ZMIZ1: variants seen among roughly 807,000 people sequenced by gnomAD.
ZMIZ1 encodes the protein zinc finger MIZ domain-containing protein 1.
Under a neutral mutation model 113.9 loss-of-function variants are expected in ZMIZ1, and 17 were observed. The ratio of observed to expected loss-of-function variants is 0.15; its 90% CI spans 0.10 to 0.22. The LOEUF (loss-of-function observed/expected upper bound fraction) is 0.22, where lower values mean the gene tolerates loss of function less well. ZMIZ1 is among the 10% of genes least tolerant of loss of function. The pLI is 1.00. For missense variants in ZMIZ1, 1,059 were observed against 1,477.8 expected (o/e 0.72, Z 4.65); for synonymous variants, 607 against 603.1 (o/e 1.01, Z -0.09).
At chr10:79,177,565 A>G (rs964428578) in intron 4 of ZMIZ1, among the ~76,000 whole-genome samples, 1 of 152,174 alleles carries the variant, frequency 6.6e-6, no homozygotes, top group African/African-American at 2.4e-5. Context: ...CACACCACCA[A>G]GGGAAGGCAG....
Position 79,311,132 on chromosome 10 carries a change from A to G in ZMIZ1, c.3044A>G (p.Glu1015Gly). The part of the protein sequence containing the change: ...DLTFNPSSAL[E>G]GQAGAQGASD... ...ACCTTTAACCCCTCCTCAGCCTTAGAGGGTCAGGCCGGAGCGCAGGGAGCG... is the reference window on the plus strand; with the variant it reads ...ACCTTTAACCCCTCCTCAGCCTTAGGGGGTCAGGCCGGAGCGCAGGGAGCG... Residue 1015 changes from glutamate to glycine, a missense_variant, in exon 24 of 25, where the codon GAG becomes GGG. Glu to Gly is a moderately conservative substitution (Grantham distance 98). Transcript: ENST00000334512. The G allele has an allele frequency of 6.2e-7, 1 of 1,613,718 alleles. No homozygotes were observed. Among genetic ancestry groups the G allele is most frequent in the Non-Finnish European group, 8.5e-7 (1 of 1,180,014 alleles).
At chr10:79,258,868 G>A (rs1397121672) in intron 7 of ZMIZ1, among the ~76,000 whole-genome samples, 2 of 152,196 alleles carry the variant, frequency 1.3e-5, no homozygotes, top group African/African-American at 2.4e-5. Flanking sequence ...GACTGAACAT[G>A]GTCTGCTGAA....
chr10:79,104,950 GGTGTGTGTGTGTGTGTGTGTGTGT>G (rs58453718), intron 1 of ZMIZ1, among the ~76,000 whole-genome samples: 7 of 140,188 alleles, frequency 5.0e-5, no homozygotes, highest in African/African-American at 1.3e-4. Context: ...GTTGTTGTGG[GGTGTGTGTGTGTGTGTGTGTGTGT>G]GTGTGTGTGT....
At chr10:79,115,901 GCC>G (rs1312076083) in intron 1 of ZMIZ1, among the ~76,000 whole-genome samples, 1 of 152,246 alleles carries the variant, frequency 6.6e-6, no homozygotes, top group African/African-American at 2.4e-5. Context: ...TGGAGCCGAT[GCC>G]CACTCTGTCT....
At chr10:79,126,634 G>C (rs1315401153) in intron 2 of ZMIZ1, among the ~76,000 whole-genome samples, 1 of 152,208 alleles carries the variant, frequency 6.6e-6, no homozygotes, top group Non-Finnish European at 1.5e-5. Flanking sequence ...GCCCCCGGGG[G>C]GTTGGAGACG....
intron 8 of ZMIZ1, among the ~76,000 whole-genome samples, chr10:79,286,995 C>T (rs1048731595): frequency 6.6e-6 from 1 of 152,162 alleles, no homozygotes; most frequent in African/African-American, 2.4e-5. Flanking sequence ...GGGCGAGAAG[C>T]CACTCAGGCT....
chr10:79,253,305 T>C (rs935790349), intron 7 of ZMIZ1, among the ~76,000 whole-genome samples: 1 of 152,060 alleles, frequency 6.6e-6, no homozygotes, highest in African/African-American at 2.4e-5. Flanking sequence ...GGCTGTTGGA[T>C]ATAGGGTAGT....
chr10:79,175,038 A>G (rs1846767124), intron 4 of ZMIZ1, among the ~76,000 whole-genome samples: 1 of 152,228 alleles, frequency 6.6e-6, no homozygotes, highest in African/African-American at 2.4e-5. Context: ...GAGAAGAGCC[A>G]ATGTGTACCT....
At chr10:79,092,044 C>G (rs983320477) in intron 1 of ZMIZ1, among the ~76,000 whole-genome samples, 8 of 152,116 alleles carry the variant, frequency 5.3e-5, no homozygotes, top group Admixed American at 6.5e-5. Flanking sequence ...GTGCTGTTCC[C>G]ACCAGCCCCG....
rs1208518865 is a variant in ZMIZ1, at chr10:79,216,077, T to TC, written c.175-92_175-91insC. 2.5e-4 allele frequency: 212 copies of TC among 840,052 alleles called. No homozygotes were observed. The African/African-American group carries it at 3.6e-3, about 14-fold the overall frequency. 52.0% of individuals were successfully genotyped at this position (840,052 alleles called of 1,614,324 possible). On this transcript the variant is annotated intron_variant, in intron 6 of 24. Coordinates refer to ENST00000334512, the MANE Select transcript of ZMIZ1 (RefSeq NM_020338.4). The stretch of plus-strand genomic sequence containing the variant: ...CCTAATGATGGGGCACTGCCTTAGC[T>TC]TGCCCACCTCACCCACTTCACCTGC...
At chr10:79,194,780 GC>G (rs1383492644) in intron 4 of ZMIZ1, among the ~76,000 whole-genome samples, 1 of 152,274 alleles carries the variant, frequency 6.6e-6, no homozygotes, top group Non-Finnish European at 1.5e-5. Context: ...CCTCCAAGCA[GC>G]CCTCTATACA....
At chr10:79,213,533 G>A (rs1848603534) in intron 6 of ZMIZ1, among the ~76,000 whole-genome samples, 1 of 152,156 alleles carries the variant, frequency 6.6e-6, no homozygotes, top group African/African-American at 2.4e-5. Flanking sequence ...CACCCGGCTG[G>A]CCCTTAGAGC....
At chr10:79,116,520 C>T (rs528441029) in intron 1 of ZMIZ1, among the ~76,000 whole-genome samples, 4 of 152,210 alleles carry the variant, frequency 2.6e-5, no homozygotes, top group East Asian at 1.9e-4. Context: ...AGGGGAAGGG[C>T]ATCCTGCGGT....
rs149293949 is a variant in ZMIZ1 at position 79,207,011 on chromosome 10, T to A, written c.61-1325T>A. Among the ~76,000 whole-genome samples the A allele has an allele frequency of 9.2e-4, 140 of 152,344 alleles. 3 individuals carry two copies. The highest frequency in any genetic ancestry group is 3.0e-3 in the African/African-American group (123 of 41,580). ...CACCACCAAGTCATGTTCTGTCATA[T>A]CCCCATTTTACAGATGAGGCTACTG... On this transcript the variant is annotated intron_variant, in intron 5 of 24. Transcript: ENST00000334512.
intron 5 of ZMIZ1, among the ~76,000 whole-genome samples, chr10:79,205,925 C>T (rs189885462): frequency 1.8e-4 from 27 of 152,132 alleles, no homozygotes; most frequent in African/African-American, 5.1e-4. Flanking sequence ...AGCAAGACGT[C>T]GTCTCTGTTA....
chr10:79,229,182 G>C (rs541842539), intron 7 of ZMIZ1, among the ~76,000 whole-genome samples: 44 of 152,322 alleles, frequency 2.9e-4, no homozygotes, highest in African/African-American at 9.6e-4. Flanking sequence ...ACCCTGACAA[G>C]GTGCGGCCCA....
chr10:79,167,462 T>C (rs953830034), intron 4 of ZMIZ1, among the ~76,000 whole-genome samples: 25 of 152,166 alleles, frequency 1.6e-4, no homozygotes, highest in Admixed American at 4.6e-4. Context: ...AGGCTGTCTC[T>C]GTAGGCAAGG....
chr10:79,081,802 C>T lies in ZMIZ1; in HGVS notation c.-337+12532C>T, dbSNP rs113689123. Among the ~76,000 whole-genome samples the T allele has an allele frequency of 8.1e-3, 1,241 of 152,336 alleles. 13 individuals are homozygous for T. Among genetic ancestry groups the T allele is most frequent in the African/African-American group, 0.028 (1,151 of 41,558 alleles). ...GCCAGCATCGCTGGGGGCTGTCGCACGAGTCCAAGGGGAAGGCCAGCACGT... is the reference window on the plus strand; with the variant it reads ...GCCAGCATCGCTGGGGGCTGTCGCATGAGTCCAAGGGGAAGGCCAGCACGT... On this transcript the variant is annotated intron_variant, in intron 1 of 24. Transcript: ENST00000334512.
chr10:79,290,759 C>T (rs753066276), intron 9 of ZMIZ1, 200 bp from the exon 10 acceptor site: 78 of 715,384 alleles, frequency 1.1e-4, no homozygotes, highest in Non-Finnish European at 7.6e-6. Context: ...ACGTTCTCAT[C>T]CCCCACGCCA....
Sources: gnomAD v4.1 joint callset for allele counts (sites outside exome capture counted in the v4.1 genomes callset) on GRCh38, gnomAD v4.1.1 for gene constraint, MANE v1.5 for transcripts, NCBI Gene and HGNC (gene_info 2026-07-23, HGNC 2026-07-21) for gene names.